The following RASGRF2 variants were observed in gnomAD, a reference collection of about 807,000 sequenced individuals.
The protein encoded by RASGRF2 is Ras protein specific guanine nucleotide releasing factor 2.
A neutral mutation model predicts 151.0 loss-of-function variants in RASGRF2; 76 were observed. The observed-to-expected ratio is 0.50, with a 90% CI of 0.42 to 0.61. The LOEUF (loss-of-function observed/expected upper bound fraction) is 0.61. Ranked by LOEUF, RASGRF2 falls within the 20% of genes least tolerant of loss-of-function variation. RASGRF2 has a pLI of 0.00. For missense variants in RASGRF2, 1,148 were observed against 1,564.6 expected, an observed-to-expected ratio of 0.73 and a Z score of 4.49; for synonymous variants, 504 against 566.5, an observed-to-expected ratio of 0.89 and a Z score of 1.57.
intron 12 of RASGRF2, among the ~76,000 whole-genome samples, chr5:81,095,715 G>A (rs1363985887): frequency 2.0e-5 from 3 of 152,062 alleles, no homozygotes; most frequent in Non-Finnish European, 2.9e-5. Context: ...AGAAACTGGG[G>A]CACATGAAAA....
At chr5:81,196,781 G>A (rs1236360164) in intron 18 of RASGRF2, among the ~76,000 whole-genome samples, 2 of 152,134 alleles carry the variant, frequency 1.3e-5, no homozygotes, top group African/African-American at 4.8e-5. Flanking sequence ...TATCATTAGA[G>A]ACCTGACATA....
intron 17 of RASGRF2, among the ~76,000 whole-genome samples, chr5:81,178,467 A>G (rs1754833206): frequency 1.3e-5 from 2 of 152,224 alleles, no homozygotes; most frequent in South Asian, 4.1e-4. Flanking sequence ...AAATAGAAAG[A>G]GACAATTGGA....
chr5:81,126,847 A>C (rs776303062), intron 16 of RASGRF2, among the ~76,000 whole-genome samples: 1 of 152,234 alleles, frequency 6.6e-6, no homozygotes, highest in African/African-American at 2.4e-5. Flanking sequence ...TGGTGCTATG[A>C]ATATTCATGT....
chr5:81,223,447 C>G (rs778005104), intron 26 of RASGRF2: 1 of 152,024 alleles, frequency 6.6e-6, no homozygotes, highest in African/African-American at 2.4e-5. Context: ...CAAGACCATC[C>G]TGGCGAACAC....
intron 1 of RASGRF2, among the ~76,000 whole-genome samples, chr5:81,041,712 C>T (rs1158891966): frequency 1.3e-5 from 2 of 152,138 alleles, no homozygotes; most frequent in African/African-American, 2.4e-5. Context: ...TTTTTATCTT[C>T]GTATTTATAG....
At position 81,112,835 on chromosome 5, in the gene RASGRF2, GC is replaced by G; in HGVS notation, c.2066del (p.Pro689LeufsTer52). On this transcript the variant is annotated frameshift_variant, in exon 14 of 27. Coordinates refer to ENST00000265080, the MANE Select transcript of RASGRF2 (RefSeq NM_006909.3). LOFTEE classifies it high-confidence loss of function. ...LGKLSDIYKRPFTSIPVRSLE... is the reference protein window; with the variant it reads ...LGKLSDIYKRXFTSIPVRSLE... ...GGAAACTCTCCGACATATACAAGAG[GC>G]CTTTCACCTCCATCCCTGTCAGGTA... 1 of 1,614,068 alleles carries G rather than the reference GC, an allele frequency of 6.2e-7. No individual in the cohort carries two copies. Among genetic ancestry groups the G allele is most frequent in the Non-Finnish European group, 8.5e-7 (1 of 1,180,014 alleles).
intron 2 of RASGRF2, among the ~76,000 whole-genome samples, chr5:81,062,222 T>A (rs1196137019): frequency 6.6e-6 from 1 of 152,172 alleles, no homozygotes; most frequent in Non-Finnish European, 1.5e-5. Flanking sequence ...CTTGACTTAC[T>A]AATTTTAGCC....
chr5:81,210,640 AG>A (rs1163569826), intron 22 of RASGRF2, among the ~76,000 whole-genome samples: 1 of 152,174 alleles, frequency 6.6e-6, no homozygotes, highest in African/African-American at 2.4e-5. Flanking sequence ...CTTCTCTGAA[AG>A]GTCAATCTAA....
chr5:81,160,537 T>G (rs1213715815), intron 17 of RASGRF2, among the ~76,000 whole-genome samples: 1 of 151,868 alleles, frequency 6.6e-6, no homozygotes, highest in Non-Finnish European at 1.5e-5. Context: ...CCAGGCGTGG[T>G]GGCAGGCGCC....
chr5:80,961,086 C>T, intron 1 of RASGRF2, 60 bp downstream of exon 1: 1 of 1,390,850 alleles, frequency 7.2e-7, no homozygotes, highest in Non-Finnish European at 9.4e-7. Context: ...CCTTGCCGTC[C>T]TAATCCGGGG....
chr5:81,129,402 C>T (rs973450778), intron 17 of RASGRF2, among the ~76,000 whole-genome samples: 4 of 151,936 alleles, frequency 2.6e-5, no homozygotes, highest in African/African-American at 9.7e-5. Flanking sequence ...GAGATGTTCT[C>T]TAATGGACAT....
intron 1 of RASGRF2, among the ~76,000 whole-genome samples, chr5:81,006,302 T>C (rs1326205604): frequency 6.6e-6 from 1 of 152,218 alleles, no homozygotes; most frequent in African/African-American, 2.4e-5. Context: ...GGATCCTGTT[T>C]TGATTGCCCT....
intron 1 of RASGRF2, among the ~76,000 whole-genome samples, chr5:80,989,510 A>C (rs1451887762): frequency 6.6e-6 from 1 of 152,022 alleles, no homozygotes; most frequent in Non-Finnish European, 1.5e-5. Flanking sequence ...ATGCTTAAAG[A>C]CTCCTTTGTG....
chr5:80,986,793 A>G (rs1265093737), intron 1 of RASGRF2, among the ~76,000 whole-genome samples: 2 of 152,176 alleles, frequency 1.3e-5, no homozygotes, highest in Non-Finnish European at 2.9e-5. Flanking sequence ...CCTCCTTTCC[A>G]ATTCATTCTC....
chr5:81,170,742 T>C (rs1341392598), intron 17 of RASGRF2, among the ~76,000 whole-genome samples: 3 of 152,204 alleles, frequency 2.0e-5, no homozygotes, highest in Admixed American at 6.5e-5. Flanking sequence ...GGAATTTACC[T>C]TATTTATTTG....
intron 12 of RASGRF2, among the ~76,000 whole-genome samples, 164 bp from the exon 13 acceptor site, chr5:81,108,832 C>CTGTGTG (rs200586966): frequency 0.018 from 2,086 of 115,438 alleles, 53 homozygotes; most frequent in East Asian, 0.058. Flanking sequence ...TATTTACCTA[C>CTGTGTG]TCTGTGTGTG....
intron 1 of RASGRF2, among the ~76,000 whole-genome samples, chr5:80,987,807 C>G (rs1360988780): frequency 6.6e-6 from 1 of 152,194 alleles, no homozygotes; most frequent in Non-Finnish European, 1.5e-5. Flanking sequence ...ACCTCCATCT[C>G]TCCTGTTCCT....
intron 13 of RASGRF2, among the ~76,000 whole-genome samples, chr5:81,111,445 G>A (rs1364201410): frequency 6.6e-6 from 1 of 152,172 alleles, no homozygotes; most frequent in African/African-American, 2.4e-5. Context: ...GATGGCAGTG[G>A]TAGGTGCTAT....
At chr5:81,089,987 A>G (rs997878882) in intron 9 of RASGRF2, among the ~76,000 whole-genome samples, 27 of 152,368 alleles carry the variant, frequency 1.8e-4, no homozygotes, top group Middle Eastern at 3.4e-3. Context: ...TACAAAATCT[A>G]TTATGCATTG....
Sources: allele counts gnomAD v4.1 joint callset (sites outside exome capture counted in the v4.1 genomes callset), GRCh38; gene constraint gnomAD v4.1.1; transcripts MANE v1.5; gene names NCBI Gene and HGNC (gene_info 2026-07-23, HGNC 2026-07-21).